HTRA1: variants seen among roughly 807,000 people sequenced by gnomAD.
HTRA1 encodes the protein serine protease HTRA1.
In HTRA1, 26 loss-of-function variants were observed where a neutral mutation model predicts 49.7. The ratio of observed to expected loss-of-function variants is 0.52; its 90% CI spans 0.38 to 0.73. HTRA1 has a LOEUF of 0.73. Among genes scored for constraint, HTRA1 ranks in the 30% least tolerant of loss-of-function variants. The probability of loss-of-function intolerance (pLI) is 0.00; values close to 1 mark genes in which losing one functional copy is unlikely to be tolerated. For missense variants in HTRA1, 561 were observed against 667.2 expected (o/e 0.84, Z 1.75); for synonymous variants, 291 against 286.9 (o/e 1.01, Z -0.14).
chr10:122,475,262 C>T (rs2097487924), intron 1 of HTRA1, among the ~76,000 whole-genome samples: 1 of 152,228 alleles, frequency 6.6e-6, no homozygotes, highest in Admixed American at 6.5e-5. Flanking sequence ...GGGGAGCAGC[C>T]TGAGGTCTGG....
At chr10:122,474,252 G>C (rs2097487451) in intron 1 of HTRA1, among the ~76,000 whole-genome samples, 1 of 152,188 alleles carries the variant, frequency 6.6e-6, no homozygotes, top group South Asian at 2.1e-4. Flanking sequence ...AGGTAACTGA[G>C]GCCCAGGAAG....
At chr10:122,469,888 A>C (rs528826389) in intron 1 of HTRA1, among the ~76,000 whole-genome samples, 2 of 152,156 alleles carry the variant, frequency 1.3e-5, no homozygotes, top group South Asian at 2.1e-4. Context: ...GTTTCCAGCT[A>C]TCTTTCTGTT....
chr10:122,475,440 A>G (rs1016844378), intron 1 of HTRA1, among the ~76,000 whole-genome samples: 1 of 152,216 alleles, frequency 6.6e-6, no homozygotes, highest in Non-Finnish European at 1.5e-5. Context: ...GGCCACACGA[A>G]ACTCTCCTGA....
At chr10:122,480,293 C>A (rs2097490429) in intron 1 of HTRA1, among the ~76,000 whole-genome samples, 1 of 151,940 alleles carries the variant, frequency 6.6e-6, no homozygotes, top group South Asian at 2.2e-4. Context: ...GTGTTCCTAC[C>A]CATCCCAGAT....
At chr10:122,478,538 G>A (rs1256436712) in intron 1 of HTRA1, among the ~76,000 whole-genome samples, 6 of 151,864 alleles carry the variant, frequency 4.0e-5, no homozygotes, top group Admixed American at 2.0e-4. Context: ...GACTACAGGC[G>A]CCTGCCACCA....
chr10:122,508,982 T>C (rs1591041114), intron 6 of HTRA1, among the ~76,000 whole-genome samples: 1 of 152,242 alleles, frequency 6.6e-6, no homozygotes, highest in East Asian at 1.9e-4. Context: ...CAATGTCACT[T>C]GAGTCAGTCT....
chr10:122,481,032 C>T (rs2097490766), intron 1 of HTRA1, among the ~76,000 whole-genome samples: 1 of 152,128 alleles, frequency 6.6e-6, no homozygotes, highest in Non-Finnish European at 1.5e-5. Context: ...GAACTCTTTG[C>T]TCACCTTTTC....
At position 122,471,178 on chromosome 10, in the gene HTRA1, C is replaced by A. The variant is rs2097485965; in HGVS notation, c.472+9054C>A. On this transcript the variant is annotated intron_variant, in intron 1 of 8. Transcript: ENST00000368984. ...GAGCTGAGGTTCTTCAGATCCCAGT[C>A]TGACCTTTCTCCACCAGCATTTGTG... Among the ~76,000 whole-genome samples the A allele has an allele frequency of 2.0e-5, 3 of 152,206 alleles. No homozygotes were observed. The South Asian group carries it at 6.2e-4, about 31-fold the overall frequency.
intron 8 of HTRA1, 125 bp from the exon 9 acceptor site, chr10:122,514,066 C>T (rs745508784): frequency 6.2e-5 from 59 of 951,178 alleles, no homozygotes; most frequent in Non-Finnish European, 8.9e-5. Context: ...ATTCTAAGTT[C>T]GCCACCGTCC....
chr10:122,514,651 TTAAC>T lies in HTRA1; in HGVS notation c.*294_*297del, dbSNP rs1358321150. The T allele has an allele frequency of 4.8e-6, 2 of 420,290 alleles. No individual in the cohort carries two copies. The highest frequency in any genetic ancestry group is 4.1e-5 in the African/African-American group (2 of 49,290). 26.0% of individuals were successfully genotyped at this position (420,290 alleles called of 1,614,324 possible). ...AGACAGTCAGCATTTGTCTCCTCCT[TTAAC>T]TGAGTCATCATCTTAGTCCAACTAA... On this transcript the variant is annotated 3_prime_UTR_variant, in exon 9 of 9. Transcript: ENST00000368984.
rs2097497750 is a variant in HTRA1, at chr10:122,494,658, CCCACGG to C, written c.777+5037_777+5042del. On this transcript the variant is annotated intron_variant, in intron 3 of 8. Transcript: ENST00000368984. The surrounding 1 kb of genome is among the most constrained non-coding windows in gnomAD (Gnocchi z 4.0). ...TGTAGGCCTGCGCCACCCCCCCAAC[CCCACGG>C]CCACCTTTGGGCCAGATGGCACCCA... 6.6e-6 allele frequency among the ~76,000 whole-genome samples: 1 copy of C among 152,288 alleles called. No individual in the cohort carries two copies. The highest frequency in any genetic ancestry group is 1.9e-4 in the East Asian group (1 of 5,160).
chr10:122,471,021 A>C (rs145105606), intron 1 of HTRA1, among the ~76,000 whole-genome samples: 1 of 152,102 alleles, frequency 6.6e-6, no homozygotes, highest in Non-Finnish European at 1.5e-5. Flanking sequence ...TCAGCATCCC[A>C]ATCATTATAC....
chr10:122,478,288 A>G (rs1328270073), intron 1 of HTRA1, among the ~76,000 whole-genome samples: 2 of 151,904 alleles, frequency 1.3e-5, no homozygotes, highest in African/African-American at 2.4e-5. Context: ...TGGCTGGAGT[A>G]TGCACTGTTC....
At chr10:122,496,225 G>GATTGTTTTTTTTTTTT (rs2097498593) in intron 3 of HTRA1, among the ~76,000 whole-genome samples, 1 of 80,384 alleles carries the variant, frequency 1.2e-5, no homozygotes, top group Non-Finnish European at 2.3e-5. Flanking sequence ...GAGATTGTGG[G>GATTGTTTTTTTTTTTT]TTCTTTTTTT....
intron 3 of HTRA1, among the ~76,000 whole-genome samples, chr10:122,505,188 A>G (rs1316930527): frequency 1.3e-5 from 2 of 152,216 alleles, no homozygotes; most frequent in Non-Finnish European, 2.9e-5. Flanking sequence ...CTGAGTGGTC[A>G]TAAGCTCAGG....
chr10:122,466,322 C>T (rs542372056), intron 1 of HTRA1, among the ~76,000 whole-genome samples: 3 of 152,154 alleles, frequency 2.0e-5, no homozygotes, highest in Admixed American at 1.3e-4. Flanking sequence ...CCCGCCACCA[C>T]GCCCAGCTAA....
Position 122,487,784 on chromosome 10 carries a change from A to G in HTRA1, c.473-1118A>G, listed in dbSNP as rs544167932. ...GCACGCCCGTACAGTAGGTTACTGT[A>G]CTGAATACTGTAGGCAGTTGTAACA... On this transcript the variant is annotated intron_variant, in intron 1 of 8. Transcript: ENST00000368984. The surrounding 1 kb of genome is among the most constrained non-coding windows in gnomAD (Gnocchi z 4.8). 6.6e-6 allele frequency among the ~76,000 whole-genome samples: 1 copy of G among 152,326 alleles called. No homozygotes were observed. Among genetic ancestry groups the G allele is most frequent in the South Asian group, 2.1e-4 (1 of 4,826 alleles).
chr10:122,473,205 A>T (rs753326731), intron 1 of HTRA1, among the ~76,000 whole-genome samples: 4 of 152,182 alleles, frequency 2.6e-5, no homozygotes, highest in Non-Finnish European at 4.4e-5. Context: ...GTGATCACAG[A>T]CAGTCTCACC....
In HTRA1 at chr10:122,494,292, C is replaced by T. The variant is rs889565131; in HGVS notation, c.777+4666C>T. The stretch of plus-strand genomic sequence containing the variant: ...GCAACCTTGTTCAGAGTAGGACGTT[C>T]ACAGCTGTCTGCCCCGGAGGAAGCA... On this transcript the variant is annotated intron_variant, in intron 3 of 8. Coordinates refer to ENST00000368984, the MANE Select transcript of HTRA1 (RefSeq NM_002775.5). This position sits in a 1 kb window ranked among gnomAD's most constrained non-coding sequence, Gnocchi z 4.0. Among the ~76,000 whole-genome samples, 2 of 152,160 alleles carry T rather than the reference C, an allele frequency of 1.3e-5. No homozygotes were observed. Among genetic ancestry groups the T allele is most frequent in the African/African-American group, 4.8e-5 (2 of 41,444 alleles).
Sources: allele counts gnomAD v4.1 joint callset (sites outside exome capture counted in the v4.1 genomes callset), GRCh38; gene constraint gnomAD v4.1.1; non-coding constraint Gnocchi (gnomAD v3.1); transcripts MANE v1.5; gene names NCBI Gene and HGNC (gene_info 2026-07-23, HGNC 2026-07-21).